Variants in EHBP1 observed in about 807,000 individuals in gnomAD.
The protein encoded by EHBP1 is EH domain binding protein 1, also known as EH domain-binding protein 1.
A neutral mutation model predicts 144.0 loss-of-function variants in EHBP1; 55 were observed. The observed-to-expected ratio is 0.38, with a 90% confidence interval of 0.31 to 0.48. EHBP1 has a LOEUF of 0.48. Among genes scored for constraint, EHBP1 ranks in the 20% least tolerant of loss-of-function variants. EHBP1 has a pLI of 0.98. For synonymous variants in EHBP1, 469 were observed against 472.7 expected (o/e 0.99, Z 0.10); for missense variants, 1,200 against 1,364.2 (o/e 0.88, Z 1.90).
intron 2 of EHBP1, among the ~76,000 whole-genome samples, chr2:62,718,691 A>G (rs2035922493): frequency 6.6e-6 from 1 of 152,234 alleles, no homozygotes; most frequent in African/African-American, 2.4e-5. Flanking sequence ...TTAAGAATCC[A>G]TCTGAAACAA....
In EHBP1 at chr2:62,874,491, A is replaced by T. The variant is rs1336122669; in HGVS notation, c.1144A>T (p.Asn382Tyr). Residue 382 changes from asparagine to tyrosine, a missense_variant, in exon 10 of 23, where the codon AAC (asparagine) becomes TAC (tyrosine). Physicochemically the swap from Asn to Tyr is moderately radical, Grantham distance 143. This residue lies in a region of EHBP1 where 266 missense variants were observed against 262.4 expected (regional missense o/e 1.01). Transcript: ENST00000431489. ...ACCAAAAACAGGAGTATTAAATGAA[A>T]ACACAGTTTCTGCAGGAAAAGATCT... The part of the protein sequence containing the change: ...LSPKTGVLNE[N>Y]TVSAGKDLST... 1 of 1,607,898 alleles carries T rather than the reference A, an allele frequency of 6.2e-7. No individual in the cohort carries two copies. The highest frequency in any genetic ancestry group is 1.7e-5 in the Admixed American group (1 of 59,070).
intron 2 of EHBP1, among the ~76,000 whole-genome samples, chr2:62,713,915 A>T (rs1016645147): frequency 4.6e-5 from 7 of 152,142 alleles, no homozygotes; most frequent in Non-Finnish European, 4.4e-5. Context: ...GAACAGTTTT[A>T]CAAAATTCAA....
intron 14 of EHBP1, 159 bp downstream of exon 14, chr2:62,955,819 G>T (rs1574232952): frequency 1.0e-5 from 7 of 672,406 alleles, no homozygotes; most frequent in Non-Finnish European, 1.6e-5. Flanking sequence ...ATTCATACTT[G>T]TAGGACCATT....
chr2:62,750,270 G>C (rs1244184676), intron 3 of EHBP1, among the ~76,000 whole-genome samples: 1 of 152,078 alleles, frequency 6.6e-6, no homozygotes, highest in African/African-American at 2.4e-5. Context: ...TTTTTGTTAG[G>C]TTTGTCGAAG....
chr2:62,771,301 G>T, intron 4 of EHBP1, 38 bp from the exon 5 acceptor site: 1 of 1,506,002 alleles, frequency 6.6e-7, no homozygotes, highest in Non-Finnish European at 9.1e-7. Context: ...CTAAAGACAT[G>T]TATTTCAATT....
intron 10 of EHBP1, among the ~76,000 whole-genome samples, chr2:62,885,547 A>G (rs974429328): frequency 1.3e-5 from 2 of 152,210 alleles, no homozygotes; most frequent in African/African-American, 4.8e-5. Flanking sequence ...AAACTACTAG[A>G]TAAAATTCAT....
intron 2 of EHBP1, among the ~76,000 whole-genome samples, chr2:62,742,417 A>G (rs2038799215): frequency 6.6e-6 from 1 of 152,106 alleles, no homozygotes; most frequent in South Asian, 2.1e-4. Context: ...TTATAAATTC[A>G]TATCTCCTGA....
At chr2:62,771,551 A>C in intron 5 of EHBP1, 159 bp downstream of exon 5, 2 of 537,110 alleles carry the variant, frequency 3.7e-6, no homozygotes, top group Non-Finnish European at 6.4e-6. Flanking sequence ...GATAGCCAGT[A>C]ACAAAATTAT....
In EHBP1 at chr2:63,008,345, C is replaced by G. The variant is rs544267206; in HGVS notation, c.3103+11579C>G. Among the ~76,000 whole-genome samples the G allele has an allele frequency of 9.9e-5, 15 of 151,470 alleles. No individual in the cohort carries two copies. The South Asian group carries it at 3.1e-3, about 32-fold the overall frequency. On this transcript the variant is annotated intron_variant, in intron 19 of 22. Transcript: ENST00000431489. ...GCTTTTGTTGTACACTCCTGTGGTG[C>G]CACTAAATTTTTGGAAATTAATTCA...
At chr2:62,752,051 C>T (rs1157686918) in intron 3 of EHBP1, among the ~76,000 whole-genome samples, 2 of 151,656 alleles carry the variant, frequency 1.3e-5, no homozygotes, top group African/African-American at 2.4e-5. Context: ...GCTCTTGCTT[C>T]TCTAGTTCTT....
chr2:62,830,337 T>C lies in EHBP1; in HGVS notation c.495-682T>C, dbSNP rs548948165. Among the ~76,000 whole-genome samples the C allele has an allele frequency of 3.9e-5, 6 of 152,202 alleles. No individual in the cohort carries two copies. In the South Asian group the frequency reaches 1.2e-3, roughly 32 times the overall value. On this transcript the variant is annotated intron_variant, in intron 6 of 22. Coordinates refer to ENST00000431489, the MANE Select transcript of EHBP1 (RefSeq NM_001142616.3). The stretch of plus-strand genomic sequence containing the variant: ...TTTTAGTAGAGATGGGGTTTCACCA[T>C]GTTGGTTAGGCTGGTCTCGAACTCC...
chr2:62,702,398 T>C (rs972725696), upstream of EHBP1, among the ~76,000 whole-genome samples: 1 of 151,836 alleles, frequency 6.6e-6, no homozygotes, highest in Admixed American at 6.6e-5. Context: ...TCCGAGTAAA[T>C]AGGGAATTAG....
intron 2 of EHBP1, among the ~76,000 whole-genome samples, chr2:62,710,535 A>G (rs1382153940): frequency 6.6e-6 from 1 of 151,250 alleles, no homozygotes; most frequent in Non-Finnish European, 1.5e-5. Context: ...ATTATAATTT[A>G]TATATTAAAT....
At chr2:62,729,415 TAATAA>T in intron 2 of EHBP1, among the ~76,000 whole-genome samples, 1 of 107,850 alleles carries the variant, frequency 9.3e-6, no homozygotes, top group African/African-American at 3.6e-5. Flanking sequence ...AATATAATAA[TAATAA>T]TATAATATAA....
At chr2:62,865,577 T>A (rs1466894389) in intron 9 of EHBP1, among the ~76,000 whole-genome samples, 1 of 152,174 alleles carries the variant, frequency 6.6e-6, no homozygotes, top group Non-Finnish European at 1.5e-5. Flanking sequence ...TAAGTGTGTT[T>A]TAAAAGCAGC....
chr2:62,933,599 C>T (rs2056166700), intron 10 of EHBP1, among the ~76,000 whole-genome samples: 1 of 151,918 alleles, frequency 6.6e-6, no homozygotes, highest in African/African-American at 2.4e-5. Context: ...AATGTTGTCA[C>T]ATTTGATTAC....
At position 62,786,710 on chromosome 2, in the gene EHBP1, A is replaced by G. The variant is rs530565894; in HGVS notation, c.312+15318A>G. 8.5e-5 allele frequency among the ~76,000 whole-genome samples: 13 copies of G among 152,316 alleles called. No homozygotes were observed. The South Asian group carries it at 2.7e-3, about 32-fold the overall frequency. On this transcript the variant is annotated intron_variant, in intron 5 of 22. Coordinates refer to ENST00000431489, the MANE Select transcript of EHBP1 (RefSeq NM_001142616.3). The stretch of plus-strand genomic sequence containing the variant: ...TCTTGTTTAATTTCTGAACTTGGAT[A>G]ATTTGCTTTCTCCGCAGCAGAATTA...
chr2:62,989,076 T>C (rs1371387696), intron 15 of EHBP1, among the ~76,000 whole-genome samples: 1 of 152,148 alleles, frequency 6.6e-6, no homozygotes, highest in Non-Finnish European at 1.5e-5. Flanking sequence ...GTCAGTATAC[T>C]TATAATTGTG....
At chr2:63,020,802 C>T (rs2060710346) in intron 19 of EHBP1, among the ~76,000 whole-genome samples, 1 of 151,754 alleles carries the variant, frequency 6.6e-6, no homozygotes, top group Admixed American at 6.6e-5. Flanking sequence ...CCTCAGCCTC[C>T]TGAGTAGCTG....
Sources: gnomAD v4.1 joint callset for allele counts (sites outside exome capture counted in the v4.1 genomes callset) on GRCh38, gnomAD v4.1.1 for gene constraint, gnomAD v4.1.1 regional missense constraint, MANE v1.5 for transcripts, NCBI Gene and HGNC (gene_info 2026-07-23, HGNC 2026-07-21) for gene names.